Variants in NT5C3A observed in about 807,000 individuals in gnomAD.
The protein encoded by NT5C3A is 5'-nucleotidase, cytosolic IIIA, also known as cytosolic 5'-nucleotidase 3A.
In NT5C3A, 23 loss-of-function variants were observed where a neutral mutation model predicts 40.0. The observed-to-expected ratio is 0.58, with a 90% confidence interval of 0.41 to 0.81. NT5C3A has a LOEUF of 0.81. NT5C3A is among the 40% of genes least tolerant of loss of function. NT5C3A has a pLI of 0.00. For missense variants in NT5C3A, 328 were observed against 403.0 expected, an observed-to-expected ratio of 0.81 and a Z score of 1.59; for synonymous variants, 130 against 141.4, an observed-to-expected ratio of 0.92 and a Z score of 0.57.
At chr7:33,044,523 A>G (rs1787066286) in intron 1 of NT5C3A, among the ~76,000 whole-genome samples, 1 of 152,210 alleles carries the variant, frequency 6.6e-6, no homozygotes, top group South Asian at 2.1e-4. Flanking sequence ...TTATTTACTC[A>G]TTGACATAGA....
At chr7:33,028,473 T>C (rs1302341225) in intron 1 of NT5C3A, among the ~76,000 whole-genome samples, 1 of 152,232 alleles carries the variant, frequency 6.6e-6, no homozygotes, top group African/African-American at 2.4e-5. Flanking sequence ...TAGTCAGTTA[T>C]ACAGCATAGG....
At chr7:33,031,415 C>A (rs1286140760) in intron 1 of NT5C3A, among the ~76,000 whole-genome samples, 1 of 151,530 alleles carries the variant, frequency 6.6e-6, no homozygotes, top group African/African-American at 2.4e-5. Flanking sequence ...TGGCAAAACC[C>A]TGTCTCTACA....
chr7:33,034,918 ATTG>A (rs1417363098), intron 1 of NT5C3A, among the ~76,000 whole-genome samples: 16 of 152,234 alleles, frequency 1.1e-4, no homozygotes, highest in Admixed American at 1.0e-3. Context: ...ATTATTTTTA[ATTG>A]TTGTTTTTAA....
intron 1 of NT5C3A, among the ~76,000 whole-genome samples, chr7:33,046,793 G>A (rs1003016421): frequency 4.0e-5 from 6 of 151,110 alleles, no homozygotes; most frequent in Admixed American, 6.6e-5. Flanking sequence ...ATTTCAAGAT[G>A]CTTAGCACTG....
chr7:33,021,360 AG>A lies in NT5C3A; in HGVS notation c.355-4del. ...TATTTTTCCTTTAGTTGCAATAACT[AG>A]GAAGATATGAATAACTTAATCATGA... is the stretch of plus-strand genomic sequence containing the variant. On this transcript the variant is annotated splice_region_variant and splice_polypyrimidine_tract_variant and intron_variant, in intron 4 of 8. Transcript: ENST00000610140. The A allele has an allele frequency of 6.2e-7, 1 of 1,610,122 alleles. No individual in the cohort carries two copies. The highest frequency in any genetic ancestry group is 8.5e-7 in the Non-Finnish European group (1 of 1,177,314).
intron 1 of NT5C3A, among the ~76,000 whole-genome samples, chr7:33,028,629 CTA>C (rs1332230940): frequency 6.6e-6 from 1 of 152,210 alleles, no homozygotes; most frequent in Non-Finnish European, 1.5e-5. Flanking sequence ...CCTGGACCTT[CTA>C]TCTTTGCTAC....
chr7:33,027,330 A>G (rs573199339), intron 1 of NT5C3A, among the ~76,000 whole-genome samples: 2 of 152,212 alleles, frequency 1.3e-5, no homozygotes, highest in African/African-American at 2.4e-5. Context: ...TTGGCCTTCC[A>G]AAGTCCTGGG....
chr7:33,040,840 G>A (rs1786877433), intron 1 of NT5C3A: 1 of 967,276 alleles, frequency 1.0e-6, no homozygotes, highest in Non-Finnish European at 1.2e-6. Context: ...TTAGACAAGA[G>A]AAACTCATTT....
At chr7:33,055,142 T>G (rs1045492593) in intron 1 of NT5C3A, among the ~76,000 whole-genome samples, 2 of 151,994 alleles carry the variant, frequency 1.3e-5, no homozygotes, top group African/African-American at 4.8e-5. Flanking sequence ...CTGGCAAATA[T>G]GGAGAAACCT....
intron 6 of NT5C3A, among the ~76,000 whole-genome samples, chr7:33,018,306 T>C (rs1317488948): frequency 1.3e-5 from 2 of 152,226 alleles, no homozygotes; most frequent in African/African-American, 4.8e-5. Flanking sequence ...ATTCTCGACA[T>C]CTGGCATGTG....
intron 1 of NT5C3A, among the ~76,000 whole-genome samples, chr7:33,044,699 T>C (rs990742258): frequency 6.6e-6 from 1 of 152,216 alleles, no homozygotes; most frequent in Non-Finnish European, 1.5e-5. Flanking sequence ...TATCCATTTT[T>C]ATTTCTGAGT....
intron 1 of NT5C3A, chr7:33,035,933 C>T: frequency 3.7e-6 from 6 of 1,612,050 alleles, no homozygotes; most frequent in Non-Finnish European, 5.1e-6. Flanking sequence ...CAAATACCCA[C>T]CATTTTCACA....
chr7:33,018,572 C>T (rs6462448), intron 6 of NT5C3A, among the ~76,000 whole-genome samples: 110,291 of 152,182 alleles, frequency 0.72, 40,241 homozygotes, highest in African/African-American at 0.79. Context: ...GCTCTTGGGC[C>T]GGGCGCAGTG....
chr7:33,057,143 A>G (rs527367313), intron 1 of NT5C3A, among the ~76,000 whole-genome samples: 1 of 151,774 alleles, frequency 6.6e-6, no homozygotes, highest in South Asian at 2.1e-4. Flanking sequence ...CTCCTTGAGG[A>G]GCAGGGCTAA....
At chr7:33,023,711 A>G (rs1785758745) in intron 3 of NT5C3A, 1 of 237,294 alleles carries the variant, frequency 4.2e-6, no homozygotes, top group South Asian at 6.8e-5. Flanking sequence ...TTCCTAGAAA[A>G]CAAAGTATTT....
chr7:33,023,210 C>T (rs1785729992), intron 3 of NT5C3A, among the ~76,000 whole-genome samples: 2 of 151,982 alleles, frequency 1.3e-5, no homozygotes, highest in African/African-American at 2.4e-5. Flanking sequence ...CTGTGCCTGG[C>T]GATTTTTAGC....
intron 1 of NT5C3A, among the ~76,000 whole-genome samples, chr7:33,038,009 G>T (rs1294721813): frequency 6.6e-6 from 1 of 151,446 alleles, no homozygotes; most frequent in Admixed American, 6.6e-5. Flanking sequence ...AGATATTATA[G>T]AAGCTGCATG....
At position 33,020,991 on chromosome 7, in the gene NT5C3A, TCA is replaced by T. The variant is rs36051367; in HGVS notation, c.440+279_440+280del. On this transcript the variant is annotated intron_variant, in intron 5 of 8. Transcript: ENST00000610140. ...CTTTACACATTAAGCCACGTTTTGTTCATATACTTAAAAAAAAATTCTTGTTT... is the reference window on the plus strand; with the variant it reads ...CTTTACACATTAAGCCACGTTTTGTTTATACTTAAAAAAAAATTCTTGTTT... 0.72 allele frequency among the ~76,000 whole-genome samples: 109,741 copies of T among 151,592 alleles called. 39,976 individuals carry two copies. Among genetic ancestry groups the T allele is most frequent in the African/African-American group, 0.79 (32,449 of 41,306 alleles).
intron 1 of NT5C3A, chr7:33,035,958 T>C (rs760402260): frequency 1.1e-5 from 18 of 1,613,456 alleles, no homozygotes; most frequent in South Asian, 2.2e-5. Flanking sequence ...CGGCAGACTC[T>C]TGATTAGTCA....
Sources: gnomAD v4.1 joint callset for allele counts (sites outside exome capture counted in the v4.1 genomes callset) on GRCh38, gnomAD v4.1.1 for gene constraint, MANE v1.5 for transcripts, NCBI Gene and HGNC (gene_info 2026-07-23, HGNC 2026-07-21) for gene names.